GRM8: variants seen among roughly 807,000 people sequenced by gnomAD.
The protein encoded by GRM8 is metabotropic glutamate receptor 8.
GRM8 carries 47 observed loss-of-function variants against 87.2 expected under a neutral mutation model. The ratio of observed to expected loss-of-function variants is 0.54; its 90% CI spans 0.43 to 0.69. The LOEUF is 0.69. Among genes scored for constraint, GRM8 ranks in the 30% least tolerant of loss-of-function variants. The probability of loss-of-function intolerance (pLI) is 0.00; values close to 1 mark genes in which losing one functional copy is unlikely to be tolerated. For synonymous variants in GRM8, 396 were observed against 404.5 expected, an observed-to-expected ratio of 0.98 and a Z score of 0.25; for missense variants, 1,019 against 1,139.2, an observed-to-expected ratio of 0.89 and a Z score of 1.52.
At chr7:126,547,378 T>C (rs1276034994) in intron 8 of GRM8, among the ~76,000 whole-genome samples, 1 of 152,026 alleles carries the variant, frequency 6.6e-6, no homozygotes, top group African/African-American at 2.4e-5. Flanking sequence ...TTTTTAAAAA[T>C]AGATGCATGA....
At chr7:127,178,851 T>A (rs1467559818) in intron 2 of GRM8, among the ~76,000 whole-genome samples, 1 of 152,112 alleles carries the variant, frequency 6.6e-6, no homozygotes, top group Non-Finnish European at 1.5e-5. Context: ...CTCTAAATCT[T>A]GAAACAAATC....
intron 3 of GRM8, among the ~76,000 whole-genome samples, chr7:127,057,188 AT>A (rs142960282): frequency 0.08 from 12,144 of 152,274 alleles, 527 homozygotes; most frequent in South Asian, 0.13. Flanking sequence ...AAATATTTTT[AT>A]GCCACTGTCT....
intron 9 of GRM8, among the ~76,000 whole-genome samples, chr7:126,491,024 A>C (rs1807943372): frequency 7.2e-5 from 11 of 152,078 alleles, no homozygotes; most frequent in Non-Finnish European, 1.6e-4. Flanking sequence ...TAATAGCCAA[A>C]ATGAATTGAA....
At chr7:127,099,292 C>A (rs1348816984) in intron 3 of GRM8, among the ~76,000 whole-genome samples, 1 of 152,126 alleles carries the variant, frequency 6.6e-6, no homozygotes, top group Admixed American at 6.5e-5. Context: ...TAACCAGCAG[C>A]AACTAAGCTA....
At chr7:126,482,372 T>C (rs1020044829) in intron 9 of GRM8, among the ~76,000 whole-genome samples, 4 of 152,008 alleles carry the variant, frequency 2.6e-5, no homozygotes, top group Admixed American at 6.6e-5. Flanking sequence ...GTAGCATTAT[T>C]CATAAGAGAT....
intron 8 of GRM8, among the ~76,000 whole-genome samples, chr7:126,597,987 C>A (rs1374519143): frequency 1.3e-5 from 2 of 152,008 alleles, no homozygotes; most frequent in Non-Finnish European, 2.9e-5. Flanking sequence ...CTATCATCAT[C>A]CTATAGTGCT....
At chr7:126,506,537 T>C (rs1011497236) in intron 9 of GRM8, among the ~76,000 whole-genome samples, 5 of 152,002 alleles carry the variant, frequency 3.3e-5, no homozygotes, top group African/African-American at 9.7e-5. Context: ...CCCAGCACCT[T>C]GAGAGGCCCA....
At chr7:126,677,527 A>G (rs116770517) in intron 7 of GRM8, among the ~76,000 whole-genome samples, 207 of 152,318 alleles carry the variant, frequency 1.4e-3, no homozygotes, top group African/African-American at 4.9e-3. Flanking sequence ...AGCCATAAAA[A>G]ATAATGAAAT....
At chr7:127,202,341 C>G (rs1010083409) in intron 2 of GRM8, among the ~76,000 whole-genome samples, 1 of 152,070 alleles carries the variant, frequency 6.6e-6, no homozygotes, top group Non-Finnish European at 1.5e-5. Context: ...CCACACCTGG[C>G]TAATTTCTGT....
At position 126,910,497 on chromosome 7, in the gene GRM8, T is replaced by A. The variant is rs1324871483; in HGVS notation, c.728-5814A>T. ...AGTGCTGCTTTCAAAGACTTCTCCA[T>A]CAAGTAGGGGAACAAATAGCTACAT... On this transcript the variant is annotated intron_variant, in intron 3 of 10. Transcript: ENST00000339582. Among the ~76,000 whole-genome samples the A allele has an allele frequency of 9.9e-5, 15 of 152,194 alleles. No individual in the cohort carries two copies. The East Asian group carries it at 2.1e-3, about 22-fold the overall frequency.
chr7:126,887,695 T>C (rs1285701689), intron 6 of GRM8, among the ~76,000 whole-genome samples: 13 of 152,090 alleles, frequency 8.5e-5, no homozygotes, highest in Non-Finnish European at 2.9e-5. Context: ...TTGCCCATCC[T>C]CATAATCATC....
chr7:126,623,953 T>C (rs540762915), intron 7 of GRM8, among the ~76,000 whole-genome samples: 72 of 152,162 alleles, frequency 4.7e-4, no homozygotes, highest in Non-Finnish European at 9.4e-4. Context: ...CACCCCCTGC[T>C]CAAAAAAGCT....
intron 6 of GRM8, among the ~76,000 whole-genome samples, chr7:126,814,323 C>T (rs907046476): frequency 6.6e-6 from 1 of 152,028 alleles, no homozygotes; most frequent in Admixed American, 6.6e-5. Context: ...AAAAACTGTT[C>T]TTGAACCTCC....
chr7:126,904,155 T>C, intron 4 of GRM8, 29 bp from the exon 5 acceptor site: 1 of 1,559,970 alleles, frequency 6.4e-7, no homozygotes, highest in East Asian at 2.3e-5. Context: ...ATAATGCATA[T>C]CACATGTATT....
At chr7:126,511,918 G>C (rs554232364) in intron 9 of GRM8, 1 of 152,150 alleles carries the variant, frequency 6.6e-6, no homozygotes, top group African/African-American at 2.4e-5. Context: ...GGATCTAAAG[G>C]AAAGTTGAAC....
chr7:127,204,799 T>G (rs550386190), intron 2 of GRM8, among the ~76,000 whole-genome samples: 6 of 152,304 alleles, frequency 3.9e-5, no homozygotes, highest in African/African-American at 1.4e-4. Context: ...TGAGTACAAT[T>G]TATGTTTTCA....
At chr7:126,957,729 G>A (rs191166911) in intron 3 of GRM8, among the ~76,000 whole-genome samples, 5 of 152,342 alleles carry the variant, frequency 3.3e-5, no homozygotes, top group African/African-American at 2.4e-5. Flanking sequence ...CGGTGGCTCA[G>A]TGTGGGCCTG....
chr7:127,034,415 C>G (rs148072563), intron 3 of GRM8, among the ~76,000 whole-genome samples: 1 of 152,104 alleles, frequency 6.6e-6, no homozygotes, highest in Non-Finnish European at 1.5e-5. Flanking sequence ...TATTACAGAC[C>G]TCATTATCTG....
At chr7:126,707,452 A>G (rs1465524564) in intron 7 of GRM8, among the ~76,000 whole-genome samples, 5 of 152,086 alleles carry the variant, frequency 3.3e-5, no homozygotes, top group Admixed American at 6.6e-5. Context: ...GTATGTGGGG[A>G]AGGGGGTGTA....
Sources: gnomAD v4.1 joint callset for allele counts (sites outside exome capture counted in the v4.1 genomes callset) on GRCh38, gnomAD v4.1.1 for gene constraint, MANE v1.5 for transcripts, NCBI Gene and HGNC (gene_info 2026-07-23, HGNC 2026-07-21) for gene names.